FHAD1: variants seen among roughly 807,000 people sequenced by gnomAD.
The protein encoded by FHAD1 is forkhead associated phosphopeptide binding domain 1.
FHAD1 carries 146 observed loss-of-function variants against 191.3 expected under a neutral mutation model. The observed-to-expected ratio is 0.76, with a 90% confidence interval of 0.67 to 0.88. The LOEUF (loss-of-function observed/expected upper bound fraction) is 0.88, where lower values mean the gene tolerates loss of function less well. Among genes scored for constraint, FHAD1 ranks in the 40% least tolerant of loss-of-function variants. FHAD1 has a pLI of 0.00. For missense variants in FHAD1, 1,635 were observed against 1,785.8 expected (o/e 0.92, Z 1.52); for synonymous variants, 616 against 672.3 (o/e 0.92, Z 1.29).
chr1:15,253,148 CTGTGTGTGTG>C (rs5772631), intron 2 of FHAD1, among the ~76,000 whole-genome samples: 19 of 146,046 alleles, frequency 1.3e-4, no homozygotes, highest in Non-Finnish European at 1.8e-4. Context: ...GACATAAGTG[CTGTGTGTGTG>C]TGTGTGTGTG....
intron 2 of FHAD1, among the ~76,000 whole-genome samples, chr1:15,267,828 A>G (rs985822894): frequency 3.4e-5 from 5 of 147,380 alleles, no homozygotes; most frequent in African/African-American, 1.2e-4. Flanking sequence ...TAAATTTTAT[A>G]TAGCATATAT....
Position 15,327,213 on chromosome 1 carries a change from G to T in FHAD1, c.1557+71G>T. On this transcript the variant is annotated intron_variant, in intron 12 of 33. Transcript: ENST00000688493. The surrounding 1 kb of genome is among the most constrained non-coding windows in gnomAD (Gnocchi z 5.1). The stretch of plus-strand genomic sequence containing the variant: ...TTCTTCTTCGTGGATCTGGATTCCA[G>T]ACCCTGGGAGCATATGTTTCTGTTT... 1 of 999,900 alleles carries T rather than the reference G, an allele frequency of 1.0e-6. No individual in the cohort carries two copies. Among genetic ancestry groups the T allele is most frequent in the South Asian group, 1.5e-5 (1 of 68,580 alleles). 61.9% of individuals were successfully genotyped at this position (999,900 alleles called of 1,614,324 possible). A position where few individuals can be genotyped will look rare whatever the true frequency, so the allele number is the denominator to read the frequency against.
chr1:15,293,695 GC>G (rs1248654913), intron 4 of FHAD1, among the ~76,000 whole-genome samples: 2 of 152,132 alleles, frequency 1.3e-5, no homozygotes, highest in Admixed American at 1.3e-4. Flanking sequence ...TCCAGCCTGG[GC>G]GGACAGAGCA....
intron 2 of FHAD1, among the ~76,000 whole-genome samples, chr1:15,264,548 A>ATG (rs71572146): frequency 0.031 from 4,608 of 147,310 alleles, 85 homozygotes; most frequent in South Asian, 0.1. Flanking sequence ...ATATGTATAT[A>ATG]TGTGTGTGTG....
At chr1:15,313,327 C>CGGGGG in intron 8 of FHAD1, 140 bp downstream of exon 8, 2 of 6,264 alleles carry the variant, frequency 3.2e-4, no homozygotes, top group South Asian at 3.5e-3. Flanking sequence ...GTGCTGGGGG[C>CGGGGG]GGGGTGGTGG....
At chr1:15,265,781 G>A (rs1190586617) in intron 2 of FHAD1, among the ~76,000 whole-genome samples, 1 of 152,006 alleles carries the variant, frequency 6.6e-6, no homozygotes, top group East Asian at 1.9e-4. Flanking sequence ...AGACCAGCCT[G>A]GCTAACATGG....
At chr1:15,369,810 A>G (rs1288823592) in intron 26 of FHAD1, among the ~76,000 whole-genome samples, 1 of 152,012 alleles carries the variant, frequency 6.6e-6, no homozygotes, top group Admixed American at 6.5e-5. Context: ...TCGAATCCCA[A>G]CTCCTCCACT....
In FHAD1 at chr1:15,289,370, C is replaced by T; in HGVS notation, c.301-29C>T. ...TGGAGACCATCCCAGCCGGTCATAA[C>T]CTCCCCTGACCCTTGTCTGCCCCTG... On this transcript the variant is annotated intron_variant, in intron 3 of 33. Coordinates refer to ENST00000688493, the MANE Select transcript of FHAD1 (RefSeq NM_001391957.1). This position sits in a 1 kb window ranked among gnomAD's most constrained non-coding sequence, Gnocchi z 4.2. The T allele has an allele frequency of 1.3e-6, 2 of 1,542,836 alleles. No individual in the cohort carries two copies. Among genetic ancestry groups the T allele is most frequent in the African/African-American group, 2.7e-5 (2 of 72,972 alleles).
rs34110532 is a variant in FHAD1 at position 15,278,475 on chromosome 1, C to CTT, written c.300+5961_300+5962dup. Among the ~76,000 whole-genome samples the CTT allele has an allele frequency of 6.0e-4, 74 of 124,328 alleles. 4 individuals carry two copies. The highest frequency in any genetic ancestry group is 2.2e-3 in the East Asian group (10 of 4,582). The allele number at this position is 124,328 out of a possible 152,430, so 81.6% of individuals were successfully genotyped here. On this transcript the variant is annotated intron_variant, in intron 3 of 33. Transcript: ENST00000688493. ...ACGCTTTGAACAGTCTTCATTACCT[C>CTT]TTTTTTTTTTTTTTTTGAGACGGAG...
chr1:15,376,531 G>A (rs1489751187), intron 28 of FHAD1, among the ~76,000 whole-genome samples: 1 of 152,178 alleles, frequency 6.6e-6, no homozygotes, highest in Non-Finnish European at 1.5e-5. Flanking sequence ...GTGATTCAGA[G>A]CACACAAGTT....
Position 15,272,365 on chromosome 1 carries a change from GAGGCGGAGTGC to G in FHAD1, c.139_149del (p.Ala47LeufsTer42). On this transcript the variant is annotated frameshift_variant, in exon 3 of 34. Coordinates refer to ENST00000688493, the MANE Select transcript of FHAD1 (RefSeq NM_001391957.1). LOFTEE classifies it high-confidence loss of function. ...CCACCATGCACTCATTGAATATAACGAGGCGGAGTGCAGCTTTGTTCTCCAGGACTTCAATT... is the reference window on the plus strand; with the variant it reads ...CCACCATGCACTCATTGAATATAACGAGCTTTGTTCTCCAGGACTTCAATT... 3.9e-6 allele frequency: 6 copies of G among 1,551,694 alleles called. No homozygotes were observed. The highest frequency in any genetic ancestry group is 4.4e-6 in the Non-Finnish European group (5 of 1,147,010).
chr1:15,324,870 C>T (rs1677752432), intron 11 of FHAD1: 1 of 404,482 alleles, frequency 2.5e-6, no homozygotes, highest in Admixed American at 3.6e-5. Flanking sequence ...GTGTTTCTAG[C>T]ATTTTCTCCT....
Position 15,328,404 on chromosome 1 carries a change from T to C in FHAD1, c.1685T>C (p.Leu562Pro). Reference protein sequence around the residue: ...QEETTENIEKLRTSLDSCQAC... With the variant: ...QEETTENIEKPRTSLDSCQAC... ...GAGACCACCGAGAACATCGAGAAGC[T>C]GAGGACGTCGCTGGACAGCTGCCAG... Residue 562 changes from leucine to proline, a missense_variant, in exon 13 of 34, where the codon CTG becomes CCG. Leu to Pro is a moderately conservative substitution (Grantham distance 98). Coordinates refer to ENST00000688493, the MANE Select transcript of FHAD1 (RefSeq NM_001391957.1). 1 of 1,540,614 alleles carries C rather than the reference T, an allele frequency of 6.5e-7. No individual in the cohort carries two copies. Among genetic ancestry groups the C allele is most frequent in the Non-Finnish European group, 8.8e-7 (1 of 1,142,784 alleles).
intron 6 of FHAD1, chr1:15,305,797 G>A (rs1028664773): frequency 2.2e-6 from 1 of 444,576 alleles, no homozygotes; most frequent in Non-Finnish European, 4.5e-6. Flanking sequence ...ATGATTCTGA[G>A]GCCTCCCCGG....
At chr1:15,379,605 C>G (rs1284059700) in intron 28 of FHAD1, among the ~76,000 whole-genome samples, 1 of 152,200 alleles carries the variant, frequency 6.6e-6, no homozygotes, top group Non-Finnish European at 1.5e-5. Context: ...CTTTCCCTTC[C>G]CACGAGGCCA....
intron 6 of FHAD1, among the ~76,000 whole-genome samples, chr1:15,303,956 A>G (rs1001711419): frequency 6.6e-6 from 1 of 152,228 alleles, no homozygotes; most frequent in Non-Finnish European, 1.5e-5. Flanking sequence ...ATAACAAAGC[A>G]TCTCTGAGCT....
chr1:15,272,635 T>TAAG, intron 3 of FHAD1, 106 bp downstream of exon 3: 1 of 995,102 alleles, frequency 1.0e-6, no homozygotes, highest in Non-Finnish European at 1.5e-6. Context: ...GCCACTGTGA[T>TAAG]CGCACGCTGC....
chr1:15,259,663 G>A (rs1557937045), intron 2 of FHAD1, among the ~76,000 whole-genome samples: 1 of 152,178 alleles, frequency 6.6e-6, no homozygotes, highest in Non-Finnish European at 1.5e-5. Flanking sequence ...GCAACAAACT[G>A]AGGTGGCGCC....
At position 15,247,262 on chromosome 1, in the gene FHAD1, G is replaced by A. The variant is rs1780597; in HGVS notation, c.-148G>A. 55,637 of 180,556 alleles carry A rather than the reference G, an allele frequency of 0.31. 9,887 individuals carry two copies. The highest frequency in any genetic ancestry group is 0.39 in the Non-Finnish European group (32,351 of 82,748). The allele number at this position is 180,556 out of a possible 1,614,324, so 11.2% of individuals were successfully genotyped here. On this transcript the variant is annotated 5_prime_UTR_variant, in exon 1 of 34. Coordinates refer to ENST00000688493, the MANE Select transcript of FHAD1 (RefSeq NM_001391957.1). ...GCGCGTACACAGGCCGGCCGGGCGG[G>A]CGGGGTGCCGGGTGCGAGCTGGAGA... is the stretch of plus-strand genomic sequence containing the variant.
Sources: gnomAD v4.1 joint callset for allele counts (sites outside exome capture counted in the v4.1 genomes callset) on GRCh38, gnomAD v4.1.1 for gene constraint, Gnocchi (gnomAD v3.1) non-coding constraint, MANE v1.5 for transcripts, NCBI Gene and HGNC (gene_info 2026-07-23, HGNC 2026-07-21) for gene names.